The following TFEB variants were observed in gnomAD, a reference collection of about 807,000 sequenced individuals.
TFEB encodes T-cell transcription factor EB.
A neutral mutation model predicts 48.0 loss-of-function variants in TFEB; 12 were observed. The ratio of observed to expected loss-of-function variants is 0.25; its 90% confidence interval spans 0.16 to 0.40. The LOEUF is 0.40. Among genes scored for constraint, TFEB ranks in the 10% least tolerant of loss-of-function variants. The pLI is 1.00. For missense variants in TFEB, 509 were observed against 640.3 expected, an observed-to-expected ratio of 0.79 and a Z score of 2.21; for synonymous variants, 244 against 261.4, an observed-to-expected ratio of 0.93 and a Z score of 0.64.
intron 1 of TFEB, among the ~76,000 whole-genome samples, chr6:41,697,138 T>G (rs376766869): frequency 1.3e-5 from 2 of 151,514 alleles, no homozygotes. Context: ...CCTGGCATGG[T>G]GGCTCACGCC....
chr6:41,713,756 G>A (rs367676119), intron 1 of TFEB, among the ~76,000 whole-genome samples: 2 of 152,196 alleles, frequency 1.3e-5, no homozygotes, highest in African/African-American at 2.4e-5. Context: ...CCAGGAACAG[G>A]AGCTAACTGG....
Position 41,684,765 on chromosome 6 carries a change from C to A in TFEB, c.1265G>T (p.Gly422Val). ...GYPEPLAPGHGSPFPSLSKKD... is the reference protein window; with the variant it reads ...GYPEPLAPGHVSPFPSLSKKD... ...CTTGGACAGGCTGGGGAATGGGGAGCCATGCCCCGGCGCCAGGGGTTCGGG... is the reference window on the plus strand; with the variant it reads ...CTTGGACAGGCTGGGGAATGGGGAGACATGCCCCGGCGCCAGGGGTTCGGG... The change falls in exon 9 of 9, where the codon GGC becomes GTC. Residue 422 changes from glycine (G) to valine (V), a missense_variant. Gly to Val is a moderately radical substitution (Grantham distance 109, BLOSUM62 -3). Transcript: ENST00000373033. 6.2e-7 allele frequency: 1 copy of A among 1,612,034 alleles called. No individual in the cohort carries two copies. The highest frequency in any genetic ancestry group is 8.5e-7 in the Non-Finnish European group (1 of 1,179,242).
rs1004583557 is a variant in TFEB, at chr6:41,687,001, A to G, written c.803+93T>C. On this transcript the variant is annotated intron_variant, in intron 7 of 8. Coordinates refer to ENST00000373033, the MANE Select transcript of TFEB (RefSeq NM_001271944.2). ...AACTTCTAGAAGGAATTCTCCTCCC[A>G]TCCTAGTAACTAGCATGGGGCTGAG... 3 of 1,050,994 alleles carry G rather than the reference A, an allele frequency of 2.9e-6. No individual in the cohort carries two copies. In the Admixed American group the frequency reaches 5.5e-5, roughly 19 times the overall value. 65.1% of individuals were successfully genotyped at this position (1,050,994 alleles called of 1,614,324 possible).
intron 1 of TFEB, among the ~76,000 whole-genome samples, chr6:41,695,213 G>GT (rs1173745472): frequency 6.6e-6 from 1 of 152,178 alleles, no homozygotes; most frequent in Non-Finnish European, 1.5e-5. Context: ...GGGATTCAAG[G>GT]TAAGTGTGTG....
intron 1 of TFEB, among the ~76,000 whole-genome samples, chr6:41,695,392 C>T (rs546979881): frequency 3.0e-4 from 46 of 152,300 alleles, no homozygotes; most frequent in Admixed American, 9.2e-4. Context: ...GAGTACCAAC[C>T]GCTAAATGCT....
intron 1 of TFEB, among the ~76,000 whole-genome samples, chr6:41,713,726 T>C (rs1396784371): frequency 2.0e-5 from 3 of 151,994 alleles, no homozygotes; most frequent in African/African-American, 2.4e-5. Context: ...TTTTCTATTC[T>C]CCCCAGAGCC....
rs780074725 is a variant in TFEB at position 41,691,280 on chromosome 6, C to T, written c.-22-45G>A. ...GCAGGTATATGAGGCACGTGTCCTC[C>T]TCAAAGCACAGGGGCTGGCAGGGGG... On this transcript the variant is annotated intron_variant, in intron 1 of 8. Transcript: ENST00000373033. This position sits in a 1 kb window ranked among gnomAD's most constrained non-coding sequence, Gnocchi z 5.2. The T allele has an allele frequency of 1.3e-6, 2 of 1,539,028 alleles. No homozygotes were observed. The highest frequency in any genetic ancestry group is 2.4e-5 in the South Asian group (2 of 83,910).
In TFEB at chr6:41,691,312, G is replaced by C; in HGVS notation, c.-22-77C>G. 1.4e-6 allele frequency: 2 copies of C among 1,393,050 alleles called. No homozygotes were observed. The highest frequency in any genetic ancestry group is 2.5e-5 in the South Asian group (2 of 80,904). 86.3% of individuals were successfully genotyped at this position (1,393,050 alleles called of 1,614,324 possible). A position where few individuals can be genotyped will look rare whatever the true frequency, so the allele number is the denominator to read the frequency against. Reference sequence around the variant, plus strand: ...CACAGGGGCTGGCAGGGGGAGGCCAGAATGACTGGGACCGCATCCATTTTA... The same window carrying C: ...CACAGGGGCTGGCAGGGGGAGGCCACAATGACTGGGACCGCATCCATTTTA... On this transcript the variant is annotated intron_variant, in intron 1 of 8. Coordinates refer to ENST00000373033, the MANE Select transcript of TFEB (RefSeq NM_001271944.2). This position sits in a 1 kb window ranked among gnomAD's most constrained non-coding sequence, Gnocchi z 5.2.
rs1000919851 is a variant in TFEB, at chr6:41,735,405, T to C, written c.-78A>G. 15 of 985,630 alleles carry C rather than the reference T, an allele frequency of 1.5e-5. No homozygotes were observed. In the African/African-American group the frequency reaches 2.6e-4, roughly 17 times the overall value. 61.1% of individuals were successfully genotyped at this position (985,630 alleles called of 1,614,324 possible). A position where few individuals can be genotyped will look rare whatever the true frequency, so the allele number is the denominator to read the frequency against. Reference sequence around the variant, plus strand: ...CGCGCCCCGCGGCTCCGGCAACTTGTCGCAAGTTCGGGTGCCTGGCCCGCA... The same window carrying C: ...CGCGCCCCGCGGCTCCGGCAACTTGCCGCAAGTTCGGGTGCCTGGCCCGCA... On this transcript the variant is annotated 5_prime_UTR_variant, in exon 1 of 9. Coordinates refer to ENST00000373033, the MANE Select transcript of TFEB (RefSeq NM_001271944.2).
At chr6:41,687,212 G>T (rs769218462) in intron 6 of TFEB, 43 bp from the exon 7 acceptor site, 43 of 1,600,302 alleles carry the variant, frequency 2.7e-5, no homozygotes, top group Non-Finnish European at 3.7e-5. Flanking sequence ...GAGGGATGGG[G>T]ACCCCCCACC....
chr6:41,732,866 C>T (rs1028010121), intron 1 of TFEB: 11 of 985,802 alleles, frequency 1.1e-5, no homozygotes, highest in African/African-American at 1.7e-5. Flanking sequence ...CCAGGGCAGC[C>T]CCAAGCCAGG....
chr6:41,707,870 G>A (rs913095313), intron 1 of TFEB, among the ~76,000 whole-genome samples: 6 of 152,362 alleles, frequency 3.9e-5, no homozygotes, highest in Middle Eastern at 3.4e-3. Flanking sequence ...GCCACGTGGC[G>A]GCCATGGGGC....
intron 1 of TFEB, among the ~76,000 whole-genome samples, chr6:41,693,952 C>T (rs1016194457): frequency 6.6e-6 from 1 of 151,558 alleles, no homozygotes; most frequent in Non-Finnish European, 1.5e-5. Context: ...CCCAACCCAC[C>T]CCCTCGCAGC....
At chr6:41,702,839 C>T (rs546527696) in intron 1 of TFEB, among the ~76,000 whole-genome samples, 1 of 152,334 alleles carries the variant, frequency 6.6e-6, no homozygotes, top group South Asian at 2.1e-4. Flanking sequence ...CACCCAGCTG[C>T]GTGACCTTGG....
chr6:41,699,295 A>C (rs77695952), intron 1 of TFEB, among the ~76,000 whole-genome samples: 6,872 of 152,328 alleles, frequency 0.045, 200 homozygotes, highest in Admixed American at 0.084. Flanking sequence ...TGCTCCGTCC[A>C]GGCCCACTGG....
At chr6:41,705,350 A>G (rs1181922447) in intron 1 of TFEB, among the ~76,000 whole-genome samples, 6 of 152,070 alleles carry the variant, frequency 3.9e-5, no homozygotes, top group African/African-American at 1.4e-4. Flanking sequence ...CCAAATTTTA[A>G]TTGGTCACCT....
At chr6:41,735,207 C>G in intron 1 of TFEB, 143 bp downstream of exon 1, 5 of 898,754 alleles carry the variant, frequency 5.6e-6, no homozygotes, top group Non-Finnish European at 6.7e-6. Flanking sequence ...GGGTGGGTGG[C>G]GGCGCGCACG....
At chr6:41,702,573 C>G (rs1038625008) in intron 1 of TFEB, among the ~76,000 whole-genome samples, 1 of 152,178 alleles carries the variant, frequency 6.6e-6, no homozygotes, top group Non-Finnish European at 1.5e-5. Flanking sequence ...CTGCTCATGT[C>G]CCCTGCAGGA....
chr6:41,691,895 C>T lies in TFEB; in HGVS notation c.-22-660G>A, dbSNP rs181582308. 4.9e-4 allele frequency among the ~76,000 whole-genome samples: 75 copies of T among 152,256 alleles called. 2 individuals are homozygous for T. The East Asian group carries it at 8.7e-3, about 18-fold the overall frequency. On this transcript the variant is annotated intron_variant, in intron 1 of 8. Transcript: ENST00000373033. This position sits in a 1 kb window ranked among gnomAD's most constrained non-coding sequence, Gnocchi z 5.2. ...CCTCTTGTTTTATCTGCTCCGGCTA[C>T]ATCCTCCAGGCACTTTGAAATCCCC...
Sources: allele counts gnomAD v4.1 joint callset (sites outside exome capture counted in the v4.1 genomes callset), GRCh38; gene constraint gnomAD v4.1.1; non-coding constraint Gnocchi (gnomAD v3.1); transcripts MANE v1.5; gene names NCBI Gene and HGNC (gene_info 2026-07-23, HGNC 2026-07-21).